SEMA5A: variants seen among roughly 807,000 people sequenced by gnomAD.
SEMA5A encodes semaphorin-5A.
SEMA5A carries 55 observed loss-of-function variants against 135.5 expected under a neutral mutation model. That is an observed-to-expected ratio of 0.41 (90% CI 0.33 to 0.51). SEMA5A has a LOEUF of 0.51. Ranked by LOEUF, SEMA5A falls within the 20% of genes least tolerant of loss-of-function variation. The pLI, the probability that SEMA5A is intolerant of heterozygous loss-of-function variation, is 0.37. For synonymous variants in SEMA5A, 580 were observed against 546.5 expected, an observed-to-expected ratio of 1.06 and a Z score of -0.85; for missense variants, 1,290 against 1,419.9, an observed-to-expected ratio of 0.91 and a Z score of 1.47.
intron 18 of SEMA5A, among the ~76,000 whole-genome samples, chr5:9,056,804 C>G (rs957270322): frequency 6.6e-6 from 1 of 152,200 alleles, no homozygotes; most frequent in African/African-American, 2.4e-5. Flanking sequence ...AAATTAGGAT[C>G]TCTGAGATAC....
At chr5:9,183,269 C>T (rs1744623522) in intron 11 of SEMA5A, among the ~76,000 whole-genome samples, 1 of 152,192 alleles carries the variant, frequency 6.6e-6, no homozygotes, top group Admixed American at 6.5e-5. Context: ...GGACAGCCGC[C>T]TGGAGGTGAA....
chr5:9,083,196 T>C (rs1738485110), intron 16 of SEMA5A, among the ~76,000 whole-genome samples: 1 of 152,354 alleles, frequency 6.6e-6, no homozygotes, highest in South Asian at 2.1e-4. Flanking sequence ...TTGGGTGTTT[T>C]CTTGGCTCTC....
Position 9,337,804 on chromosome 5 carries a change from G to C in SEMA5A, c.133C>G (p.Pro45Ala). Reference sequence around the variant, plus strand: ...TTCGCTCTGAACTCCCGTAACCAGGGGCCAATTTCTAAATAGAAAAAATAA... The same window carrying C: ...TTCGCTCTGAACTCCCGTAACCAGGCGCCAATTTCTAAATAGAAAAAATAA... ...HPVISYKEIGPWLREFRAKNA... is the reference protein window; with the variant it reads ...HPVISYKEIGAWLREFRAKNA... Residue 45 changes from proline to alanine, a missense_variant, in exon 4 of 23, where the codon CCC (proline) becomes GCC (alanine). By Grantham distance (27) the Pro-to-Ala change is conservative. This residue lies in a region of SEMA5A where 116 missense variants were observed against 121.3 expected (regional missense o/e 0.96). Transcript: ENST00000382496. The C allele has an allele frequency of 6.3e-7, 1 of 1,594,046 alleles. No individual in the cohort carries two copies. The highest frequency in any genetic ancestry group is 8.6e-7 in the Non-Finnish European group (1 of 1,168,718).
chr5:9,538,159 C>T (rs1404244465), intron 1 of SEMA5A, among the ~76,000 whole-genome samples: 9 of 152,262 alleles, frequency 5.9e-5, no homozygotes, highest in East Asian at 1.9e-4. Flanking sequence ...AGAGGCAATT[C>T]GTATGTATCT....
chr5:9,331,065 T>C (rs897242829), intron 4 of SEMA5A, among the ~76,000 whole-genome samples: 2 of 152,236 alleles, frequency 1.3e-5, no homozygotes, highest in Non-Finnish European at 2.9e-5. Context: ...TTCCCTTTAA[T>C]TGTGTCAACT....
intron 12 of SEMA5A, among the ~76,000 whole-genome samples, chr5:9,151,083 C>CT (rs1469598507): frequency 6.6e-6 from 1 of 152,178 alleles, no homozygotes; most frequent in African/African-American, 2.4e-5. Flanking sequence ...ATTTCCTCAT[C>CT]TGAACAATGG....
At chr5:9,425,251 G>A (rs570465210) in intron 2 of SEMA5A, among the ~76,000 whole-genome samples, 7 of 152,174 alleles carry the variant, frequency 4.6e-5, no homozygotes, top group South Asian at 2.1e-4. Context: ...TATTGTGAAC[G>A]CAATTATTGC....
intron 12 of SEMA5A, among the ~76,000 whole-genome samples, chr5:9,147,886 T>G (rs553687789): frequency 6.6e-6 from 1 of 152,216 alleles, no homozygotes; most frequent in African/African-American, 2.4e-5. Context: ...AGAGGCAGAA[T>G]GTCCATTTGC....
chr5:9,154,803 A>G (rs958778546), intron 11 of SEMA5A, 108 bp from the exon 12 acceptor site: 22 of 964,720 alleles, frequency 2.3e-5, no homozygotes, highest in Non-Finnish European at 3.2e-5. Flanking sequence ...TCAGCCAGGA[A>G]AGCCATCTGA....
Position 9,131,645 on chromosome 5 carries a change from AAAAAAAAAAAAAAC to A in SEMA5A, c.1599+4845_1599+4858del, listed in dbSNP as rs1396546151. ...AAAAAAAAAAAAAAAAAAAAAAAAAAAAAAAAAAAAAAACCTGTCATGTGAGCAATAGAGCAAGA... is the reference window on the plus strand; with the variant it reads ...AAAAAAAAAAAAAAAAAAAAAAAAAACTGTCATGTGAGCAATAGAGCAAGA... On this transcript the variant is annotated intron_variant, in intron 13 of 22. Transcript: ENST00000382496. Among the ~76,000 whole-genome samples the A allele has an allele frequency of 3.4e-4, 14 of 41,144 alleles. 3 individuals carry two copies. The highest frequency in any genetic ancestry group is 8.3e-4 in the African/African-American group (14 of 16,792). 27.0% of individuals were successfully genotyped at this position (41,144 alleles called of 152,430 possible). A position where few individuals can be genotyped will look rare whatever the true frequency, so the allele number is the denominator to read the frequency against.
intron 1 of SEMA5A, among the ~76,000 whole-genome samples, chr5:9,493,006 C>T (rs1254982531): frequency 2.0e-5 from 3 of 152,056 alleles, no homozygotes; most frequent in Non-Finnish European, 4.4e-5. Context: ...CTAATGTAAA[C>T]TATGAACTCT....
chr5:9,196,209 A>C (rs1745376495), intron 10 of SEMA5A, among the ~76,000 whole-genome samples: 1 of 152,238 alleles, frequency 6.6e-6, no homozygotes, highest in Non-Finnish European at 1.5e-5. Context: ...TCTGTAAGCC[A>C]CCCAAATTCC....
intron 1 of SEMA5A, among the ~76,000 whole-genome samples, chr5:9,526,241 A>T (rs1737116907): frequency 6.6e-6 from 1 of 152,168 alleles, no homozygotes; most frequent in Admixed American, 6.5e-5. Flanking sequence ...CCTCTTTTCC[A>T]TTTACTTCAA....
chr5:9,129,085 A>T (rs112648290), intron 13 of SEMA5A, among the ~76,000 whole-genome samples: 5 of 152,224 alleles, frequency 3.3e-5, no homozygotes, highest in Non-Finnish European at 5.9e-5. Flanking sequence ...GATGCTATAA[A>T]TGTTCTCTTT....
chr5:9,347,283 G>A (rs1753918552), intron 3 of SEMA5A, among the ~76,000 whole-genome samples: 1 of 152,146 alleles, frequency 6.6e-6, no homozygotes, highest in Non-Finnish European at 1.5e-5. Context: ...GTCTTCATAT[G>A]ATTTTGTTGC....
In SEMA5A at chr5:9,226,931, C is replaced by T. The variant is rs1435199765; in HGVS notation, c.370G>A (p.Gly124Ser). Residue 124 changes from glycine to serine, a missense_variant, in exon 7 of 23, where the codon GGT (glycine) becomes AGT (serine). Gly to Ser is a moderately conservative substitution (Grantham distance 56). Coordinates refer to ENST00000382496, the MANE Select transcript of SEMA5A (RefSeq NM_003966.3). The part of the protein sequence containing the change: ...CQNYIRVLLV[G>S]GDRLFTCGTN... ...CCACAGGTGAATAACCGGTCGCCAC[C>T]CACCAGAAGCACCCGGATGTAGTTC... 37 of 1,575,894 alleles carry T rather than the reference C, an allele frequency of 2.3e-5. No individual in the cohort carries two copies. The highest frequency in any genetic ancestry group is 2.9e-5 in the Non-Finnish European group (34 of 1,158,776).
intron 8 of SEMA5A, among the ~76,000 whole-genome samples, chr5:9,221,511 C>G (rs540816680): frequency 6.6e-6 from 1 of 151,694 alleles, no homozygotes; most frequent in African/African-American, 2.4e-5. Context: ...ACAGTGTTAG[C>G]CAGGATGGTC....
Position 9,037,927 on chromosome 5 carries a change from A to G in SEMA5A, c.*4970T>C, listed in dbSNP as rs1394361123. The G allele has an allele frequency of 6.6e-6, 1 of 152,166 alleles. No homozygotes were observed. The highest frequency in any genetic ancestry group is 6.5e-5 in the Admixed American group (1 of 15,270). 9.4% of individuals were successfully genotyped at this position (152,166 alleles called of 1,614,324 possible). On this transcript the variant is annotated 3_prime_UTR_variant, in exon 23 of 23. Coordinates refer to ENST00000382496, the MANE Select transcript of SEMA5A (RefSeq NM_003966.3). ...TACATTGTGCATGGCATTCCCTTTT[A>G]TGCGTTTCTTAGGTCAAAGTGAACA...
intron 4 of SEMA5A, among the ~76,000 whole-genome samples, chr5:9,332,337 T>A (rs1277575545): frequency 6.6e-6 from 1 of 151,440 alleles, no homozygotes; most frequent in African/African-American, 2.4e-5. Flanking sequence ...TGTGCAGTTG[T>A]GGGCTGGTAC....
Sources: allele counts gnomAD v4.1 joint callset (sites outside exome capture counted in the v4.1 genomes callset), GRCh38; gene constraint gnomAD v4.1.1; regional missense constraint gnomAD v4.1.1; transcripts MANE v1.5; gene names NCBI Gene and HGNC (gene_info 2026-07-23, HGNC 2026-07-21).